The following KCNH6 variants were observed in gnomAD, a reference collection of about 807,000 sequenced individuals.
KCNH6 encodes the protein potassium voltage-gated channel subfamily H member 6.
A neutral mutation model predicts 83.4 loss-of-function variants in KCNH6; 81 were observed. That is an observed-to-expected ratio of 0.97 (90% CI 0.81 to 1.17). The LOEUF (loss-of-function observed/expected upper bound fraction) is 1.17, where lower values mean the gene tolerates loss of function less well. Among genes scored for constraint, KCNH6 ranks in the 50% most tolerant of loss-of-function variants. KCNH6 has a pLI of 0.00. For missense variants in KCNH6, 1,203 were observed against 1,290.5 expected (o/e 0.93, Z 1.04); for synonymous variants, 503 against 545.6 (o/e 0.92, Z 1.09).
At chr17:63,540,992 T>C (rs2032825804) in intron 8 of KCNH6, among the ~76,000 whole-genome samples, 1 of 152,130 alleles carries the variant, frequency 6.6e-6, no homozygotes, top group African/African-American at 2.4e-5. Flanking sequence ...CAGCCACCCC[T>C]GGCAGGAGGA....
In KCNH6 at chr17:63,546,667, T is replaced by C. The variant is rs1300206834; in HGVS notation, c.*765T>C. On this transcript the variant is annotated 3_prime_UTR_variant, in exon 13 of 13. Coordinates refer to ENST00000314672, the MANE Select transcript of KCNH6 (RefSeq NM_001278919.2). ...CTCTGCTCCTGATGGTTCTGTGACA[T>C]TGGGTCTCTTGAGGGCAGTGGAGTG... The C allele has an allele frequency of 3.9e-5, 6 of 152,218 alleles. No homozygotes were observed. The highest frequency in any genetic ancestry group is 7.2e-5 in the African/African-American group (3 of 41,436). 9.4% of individuals were successfully genotyped at this position (152,218 alleles called of 1,614,324 possible). A position where few individuals can be genotyped will look rare whatever the true frequency, so the allele number is the denominator to read the frequency against.
At chr17:63,544,515 AT>A in intron 11 of KCNH6, 104 bp downstream of exon 11, 2 of 994,094 alleles carry the variant, frequency 2.0e-6, no homozygotes, top group Non-Finnish European at 2.8e-6. Flanking sequence ...GGGGCAGGCC[AT>A]TTAGCTGCAG....
At chr17:63,547,349 G>A (rs1052631619), downstream of KCNH6, among the ~76,000 whole-genome samples, 3 of 19,856 alleles carry the variant, frequency 1.5e-4, no homozygotes, top group Non-Finnish European at 3.6e-4. Context: ...ACAGTAAGCC[G>A]TGATTGCATC....
In KCNH6 at chr17:63,536,682, C is replaced by T. The variant is rs779316081; in HGVS notation, c.1501+614C>T. 6.6e-5 allele frequency among the ~76,000 whole-genome samples: 10 copies of T among 151,620 alleles called. 3 individuals carry two copies. ...AAATTATTAAGAATTTTTCGCCAGGCATGGTGGCTCACTCCTGTAATCCCA... is the reference window on the plus strand; with the variant it reads ...AAATTATTAAGAATTTTTCGCCAGGTATGGTGGCTCACTCCTGTAATCCCA... On this transcript the variant is annotated intron_variant, in intron 6 of 12. Transcript: ENST00000314672.
Position 63,534,140 on chromosome 17 carries a change from G to T in KCNH6, c.930G>T (p.Met310Ile), listed in dbSNP as rs760552563. Residue 310 changes from methionine (M) to isoleucine (I), a missense_variant, in exon 5 of 13, where the codon ATG becomes ATT. By Grantham distance (10) the Met-to-Ile change is conservative (BLOSUM62 1). Coordinates refer to ENST00000314672, the MANE Select transcript of KCNH6 (RefSeq NM_001278919.2). This position sits in a 1 kb window ranked among gnomAD's most constrained non-coding sequence, Gnocchi z 5.0. ...LTVVDLIVDI[M>I]FVVDIVINFR... is the part of the protein sequence containing the mutation. Reference sequence around the variant, plus strand: ...TGGTGGATCTCATCGTGGACATCATGTTCGTCGTGGACATCGTCATCAACT... The same window carrying T: ...TGGTGGATCTCATCGTGGACATCATTTTCGTCGTGGACATCGTCATCAACT... The T allele has an allele frequency of 6.3e-7, 1 of 1,590,194 alleles. No homozygotes were observed. The highest frequency in any genetic ancestry group is 8.5e-7 in the Non-Finnish European group (1 of 1,169,592).
chr17:63,528,743 G>A (rs942198455), intron 2 of KCNH6, among the ~76,000 whole-genome samples: 1 of 152,198 alleles, frequency 6.6e-6, no homozygotes. Flanking sequence ...CCTGACATCT[G>A]CCAACAGTTT....
chr17:63,541,580 G>A (rs138557362), intron 8 of KCNH6, among the ~76,000 whole-genome samples: 16 of 152,272 alleles, frequency 1.1e-4, no homozygotes, highest in African/African-American at 2.2e-4. Flanking sequence ...GGCGTGAGCC[G>A]CTGAGCCCTG....
intron 6 of KCNH6, among the ~76,000 whole-genome samples, chr17:63,537,505 G>A (rs1434392375): frequency 6.6e-6 from 1 of 152,158 alleles, no homozygotes; most frequent in Non-Finnish European, 1.5e-5. Context: ...CATGGTCTTG[G>A]CTCACTGCAA....
intron 4 of KCNH6, 66 bp downstream of exon 4, chr17:63,530,608 G>T: frequency 6.8e-7 from 1 of 1,470,480 alleles, no homozygotes. Flanking sequence ...CCCAGGCTCT[G>T]GGCCCAGGCC....
chr17:63,545,470 C>A, intron 12 of KCNH6, 139 bp from the exon 13 acceptor site: 1 of 1,008,626 alleles, frequency 9.9e-7, no homozygotes, highest in Non-Finnish European at 1.4e-6. Flanking sequence ...ACTCCAGAGC[C>A]TGCAGCTGGG....
At chr17:63,536,719 G>A (rs886232426) in intron 6 of KCNH6, among the ~76,000 whole-genome samples, 1 of 151,872 alleles carries the variant, frequency 6.6e-6, no homozygotes, top group Non-Finnish European at 1.5e-5. Context: ...CACTTTGGGA[G>A]GCCGAGGTGG....
At chr17:63,527,045 C>T (rs754625042) in intron 2 of KCNH6, among the ~76,000 whole-genome samples, 12 of 152,146 alleles carry the variant, frequency 7.9e-5, no homozygotes, top group Non-Finnish European at 1.5e-4. Flanking sequence ...CTGTCACCCA[C>T]GCCTGCCCCG....
intron 8 of KCNH6, among the ~76,000 whole-genome samples, chr17:63,541,654 G>A (rs2032868938): frequency 6.6e-6 from 1 of 152,190 alleles, no homozygotes; most frequent in Admixed American, 6.5e-5. Flanking sequence ...GAACAGTCCA[G>A]TGGGGTTGGC....
chr17:63,545,268 A>G lies in KCNH6; in HGVS notation c.2583+4A>G, dbSNP rs2033090857. On this transcript the variant is annotated splice_donor_region_variant and intron_variant, in intron 12 of 12. Transcript: ENST00000314672. Reference sequence around the variant, plus strand: ...GGGCTTTCTGCCTCCTGCACAGGTAAGAGGTGAGGGGATTCCCAGGGGCTT... The same window carrying G: ...GGGCTTTCTGCCTCCTGCACAGGTAGGAGGTGAGGGGATTCCCAGGGGCTT... 1 of 1,612,936 alleles carries G rather than the reference A, an allele frequency of 6.2e-7. No homozygotes were observed. Among genetic ancestry groups the G allele is most frequent in the South Asian group, 1.1e-5 (1 of 91,086 alleles).
chr17:63,545,506 T>A, intron 12 of KCNH6, 103 bp from the exon 13 acceptor site: 1 of 1,244,366 alleles, frequency 8.0e-7, no homozygotes, highest in Non-Finnish European at 1.1e-6. Context: ...CCCTGAGGTG[T>A]GGGAAGGGCA....
chr17:63,523,835 CA>C lies in KCNH6; in HGVS notation c.77-303del, dbSNP rs2031508191. The stretch of plus-strand genomic sequence containing the variant: ...CTGAGTCCTTCTTTTCCTTCCTTTT[CA>C]TATCCTGGTTCTGGTCTTCCCAGGA... On this transcript the variant is annotated intron_variant, in intron 1 of 12. Coordinates refer to ENST00000314672, the MANE Select transcript of KCNH6 (RefSeq NM_001278919.2). The surrounding 1 kb of genome is among the most constrained non-coding windows in gnomAD (Gnocchi z 4.2). Among the ~76,000 whole-genome samples the C allele has an allele frequency of 6.6e-6, 1 of 152,108 alleles. No homozygotes were observed.
chr17:63,544,019 C>A, intron 10 of KCNH6: 1 of 1,547,072 alleles, frequency 6.5e-7, no homozygotes, highest in Non-Finnish European at 8.7e-7. Context: ...CAGGGTCTCC[C>A]CATGAGCTGG....
chr17:63,523,589 T>A lies in KCNH6; in HGVS notation c.76+100T>A. 1 of 1,099,400 alleles carries A rather than the reference T, an allele frequency of 9.1e-7. No individual in the cohort carries two copies. The highest frequency in any genetic ancestry group is 1.3e-6 in the Non-Finnish European group (1 of 769,010). 68.1% of individuals were successfully genotyped at this position (1,099,400 alleles called of 1,614,324 possible). A position where few individuals can be genotyped will look rare whatever the true frequency, so the allele number is the denominator to read the frequency against. On this transcript the variant is annotated intron_variant, in intron 1 of 12. Coordinates refer to ENST00000314672, the MANE Select transcript of KCNH6 (RefSeq NM_001278919.2). This position sits in a 1 kb window ranked among gnomAD's most constrained non-coding sequence, Gnocchi z 4.2. ...ACTAACTTCTAACCGGGCAAGGTGG[T>A]GAGTGCCGGGTGCTGAATGAAAAAT...
rs1568069874 is a variant in KCNH6 at position 63,530,546 on chromosome 17, C to G, written c.675+4C>G. 5.0e-6 allele frequency: 8 copies of G among 1,613,482 alleles called. No homozygotes were observed. Among genetic ancestry groups the G allele is most frequent in the Non-Finnish European group, 6.8e-6 (8 of 1,179,756 alleles). On this transcript the variant is annotated splice_donor_region_variant and intron_variant, in intron 4 of 12. Coordinates refer to ENST00000314672, the MANE Select transcript of KCNH6 (RefSeq NM_001278919.2). ...CGTCACTGAGAAGGTCACCCAGGTG[C>G]GGGCCTGCAGAGCAGGGTGTGCAGA...
Sources: allele counts gnomAD v4.1 joint callset (sites outside exome capture counted in the v4.1 genomes callset), GRCh38; gene constraint gnomAD v4.1.1; non-coding constraint Gnocchi (gnomAD v3.1); transcripts MANE v1.5; gene names NCBI Gene and HGNC (gene_info 2026-07-23, HGNC 2026-07-21).